SETD3: variants seen among roughly 807,000 people sequenced by gnomAD.
SETD3 encodes the protein SET domain containing 3, actin N3(tau)-histidine methyltransferase, also known as actin-histidine N-methyltransferase.
Under a neutral mutation model 63.0 loss-of-function variants are expected in SETD3, and 19 were observed. The observed-to-expected ratio is 0.30, with a 90% CI of 0.21 to 0.44. The LOEUF (loss-of-function observed/expected upper bound fraction) is 0.44. Among genes scored for constraint, SETD3 ranks in the 20% least tolerant of loss-of-function variants. The pLI is 1.00. For missense variants in SETD3, 587 were observed against 728.5 expected, an observed-to-expected ratio of 0.81 and a Z score of 2.24; for synonymous variants, 286 against 264.1, an observed-to-expected ratio of 1.08 and a Z score of -0.80.
intron 6 of SETD3, among the ~76,000 whole-genome samples, chr14:99,435,813 A>G (rs573102632): frequency 6.6e-5 from 10 of 151,902 alleles, no homozygotes; most frequent in Middle Eastern, 6.8e-3. Flanking sequence ...TATGGTCACA[A>G]AGTGAATAAC....
Position 99,404,299 on chromosome 14 carries a change from A to G in SETD3, c.1103T>C (p.Phe368Ser), listed in dbSNP as rs954932560. 6.2e-7 allele frequency: 1 copy of G among 1,614,168 alleles called. No individual in the cohort carries two copies. The highest frequency in any genetic ancestry group is 8.5e-7 in the Non-Finnish European group (1 of 1,180,000). ...ARAGIPTSSV[F>S]ALHFTEPPIS... ...GGGCGGCTCGGTAAAATGCAATGCA[A>G]AAACACTGGAACTGATAAAAGCAGA... The change falls in exon 11 of 13, where the codon TTT becomes TCT. Residue 368 changes from phenylalanine to serine, a missense_variant. Phe to Ser is a radical substitution (Grantham distance 155, BLOSUM62 -2). Transcript: ENST00000331768.
chr14:99,448,111 G>A lies in SETD3; in HGVS notation c.675+10168C>T, dbSNP rs901597830. Reference sequence around the variant, plus strand: ...GTTTGGTGAGCCCCTGTGGCTAGGAGCACAGGCTTTGGGTCTAACAGACCT... The same window carrying A: ...GTTTGGTGAGCCCCTGTGGCTAGGAACACAGGCTTTGGGTCTAACAGACCT... On this transcript the variant is annotated intron_variant, in intron 6 of 12. Transcript: ENST00000331768. Among the ~76,000 whole-genome samples the A allele has an allele frequency of 5.9e-5, 9 of 152,202 alleles. No individual in the cohort carries two copies. In the South Asian group the frequency reaches 1.0e-3, roughly 18 times the overall value.
intron 1 of SETD3, among the ~76,000 whole-genome samples, chr14:99,468,616 GTCA>G (rs959267699): frequency 2.0e-5 from 3 of 150,056 alleles, no homozygotes; most frequent in African/African-American, 7.3e-5. Flanking sequence ...CTCTACAGAC[GTCA>G]TCATGTACCT....
intron 3 of SETD3, 22 bp downstream of exon 3, chr14:99,463,464 G>T: frequency 6.3e-7 from 1 of 1,581,154 alleles, no homozygotes; most frequent in Non-Finnish European, 8.7e-7. Context: ...TTAAAATACA[G>T]TTATCATTCT....
intron 11 of SETD3, 151 bp downstream of exon 11, chr14:99,404,074 T>G: frequency 3.6e-6 from 2 of 555,492 alleles, no homozygotes; most frequent in East Asian, 3.1e-5. Flanking sequence ...AAAACAAATC[T>G]ATTTCTTCTT....
At chr14:99,413,298 G>A (rs2139643826) in intron 7 of SETD3, 2 of 480,166 alleles carry the variant, frequency 4.2e-6, no homozygotes, top group East Asian at 3.7e-5. Flanking sequence ...AAGAAGCAGA[G>A]CCAGAAGGAC....
chr14:99,458,774 C>CGAA (rs35354483), intron 5 of SETD3, among the ~76,000 whole-genome samples: 1 of 89,548 alleles, frequency 1.1e-5, no homozygotes, highest in African/African-American at 4.5e-5. Flanking sequence ...CCCATCACTA[C>CGAA]AAAAAAAAAA....
In SETD3 at chr14:99,405,329, TCA is replaced by T; in HGVS notation, c.965_966del (p.Val322AspfsTer8). The T allele has an allele frequency of 6.2e-7, 1 of 1,613,904 alleles. No homozygotes were observed. On this transcript the variant is annotated frameshift_variant, in exon 10 of 13. Coordinates refer to ENST00000331768, the MANE Select transcript of SETD3 (RefSeq NM_032233.3). LOFTEE classifies it high-confidence loss of function. The stretch of plus-strand genomic sequence containing the variant: ...TTGTCAAAGAAAAAACCACTGTGGA[TCA>T]CAAACTCTGCGTTGGATCGAGTGCC... ...FYGTRSNAEF[V>X]IHSGFFFDNN...
At chr14:99,440,902 T>C (rs1215919047) in intron 6 of SETD3, among the ~76,000 whole-genome samples, 1 of 151,872 alleles carries the variant, frequency 6.6e-6, no homozygotes, top group Admixed American at 6.5e-5. Context: ...CGATTAAATC[T>C]AATAAAAGCT....
intron 6 of SETD3, among the ~76,000 whole-genome samples, chr14:99,442,133 CA>C (rs1240195143): frequency 6.6e-6 from 1 of 152,188 alleles, no homozygotes; most frequent in Non-Finnish European, 1.5e-5. Context: ...CATCAGATCT[CA>C]ATCAGCCCCA....
At chr14:99,410,670 T>C (rs1324464331) in intron 8 of SETD3, among the ~76,000 whole-genome samples, 5 of 152,266 alleles carry the variant, frequency 3.3e-5, no homozygotes, top group Non-Finnish European at 2.9e-5. Flanking sequence ...TAACCCTTCC[T>C]ACATTTATTT....
intron 1 of SETD3, among the ~76,000 whole-genome samples, chr14:99,469,998 C>T (rs189996719): frequency 5.0e-4 from 76 of 152,306 alleles, no homozygotes; most frequent in African/African-American, 1.7e-3. Flanking sequence ...ACACGTCTTT[C>T]CACAGCTCAC....
intron 7 of SETD3, among the ~76,000 whole-genome samples, 172 bp downstream of exon 7, chr14:99,413,704 T>C (rs867651111): frequency 2.0e-5 from 3 of 152,204 alleles, no homozygotes; most frequent in African/African-American, 7.2e-5. Flanking sequence ...GCTATGAAAA[T>C]GCTGATACTT....
intron 8 of SETD3, among the ~76,000 whole-genome samples, chr14:99,408,080 C>A (rs2061710940): frequency 6.6e-6 from 1 of 152,194 alleles, no homozygotes; most frequent in African/African-American, 2.4e-5. Flanking sequence ...ACAGCAGCTA[C>A]AAGTGCTCCT....
At chr14:99,445,889 T>C (rs1894102462) in intron 6 of SETD3, among the ~76,000 whole-genome samples, 1 of 152,198 alleles carries the variant, frequency 6.6e-6, no homozygotes, top group South Asian at 2.1e-4. Flanking sequence ...AAAAAGGAAT[T>C]TTTTGAAGTT....
chr14:99,412,761 T>C (rs945642428), intron 8 of SETD3, 190 bp downstream of exon 8: 1 of 563,666 alleles, frequency 1.8e-6, no homozygotes, highest in Non-Finnish European at 3.2e-6. Context: ...TATTAGTCAA[T>C]GCAGTAAAAG....
At chr14:99,483,938 A>G (rs1479228373), upstream of SETD3, among the ~76,000 whole-genome samples, 1 of 152,272 alleles carries the variant, frequency 6.6e-6, no homozygotes, top group Non-Finnish European at 1.5e-5. Context: ...TAATGAGCAA[A>G]TTAGATGACA....
chr14:99,422,836 C>G (rs112592956), intron 6 of SETD3, among the ~76,000 whole-genome samples: 5,671 of 152,216 alleles, frequency 0.037, 350 homozygotes, highest in African/African-American at 0.13. Flanking sequence ...GGGAAGAAAA[C>G]ACAGCTCAAA....
At chr14:99,410,361 T>A in intron 8 of SETD3, 1 of 1,153,924 alleles carries the variant, frequency 8.7e-7, no homozygotes, top group Non-Finnish European at 1.2e-6. Context: ...TGTTTTAGAT[T>A]TTTTTTTCAA....
Sources: allele counts gnomAD v4.1 joint callset (sites outside exome capture counted in the v4.1 genomes callset), GRCh38; gene constraint gnomAD v4.1.1; transcripts MANE v1.5; gene names NCBI Gene and HGNC (gene_info 2026-07-23, HGNC 2026-07-21).